Variants in PLS1 observed in about 807,000 individuals in gnomAD.
PLS1 encodes the protein plastin-1.
Under a neutral mutation model 73.7 loss-of-function variants are expected in PLS1, and 32 were observed. The ratio of observed to expected loss-of-function variants is 0.43; its 90% confidence interval spans 0.33 to 0.58. The LOEUF (loss-of-function observed/expected upper bound fraction) is 0.58, where lower values mean the gene tolerates loss of function less well. Ranked by LOEUF, PLS1 falls within the 20% of genes least tolerant of loss-of-function variation. The probability of loss-of-function intolerance (pLI) is 0.04; values close to 1 mark genes in which losing one functional copy is unlikely to be tolerated. For synonymous variants in PLS1, 217 were observed against 261.3 expected, an observed-to-expected ratio of 0.83 and a Z score of 1.63; for missense variants, 633 against 740.5, an observed-to-expected ratio of 0.85 and a Z score of 1.68.
intron 1 of PLS1, chr3:142,619,410 A>G (rs1474109285): frequency 1.3e-5 from 2 of 152,162 alleles, no homozygotes; most frequent in African/African-American, 2.4e-5. Context: ...CAATTTATCT[A>G]TGATACATAT....
intron 12 of PLS1, among the ~76,000 whole-genome samples, chr3:142,700,687 G>A (rs748368401): frequency 2.0e-5 from 3 of 152,124 alleles, no homozygotes; most frequent in Non-Finnish European, 4.4e-5. Flanking sequence ...TCTTCTCATT[G>A]TCTAAATGAT....
intron 1 of PLS1, among the ~76,000 whole-genome samples, chr3:142,629,678 G>A (rs1034178309): frequency 1.1e-4 from 16 of 152,230 alleles, no homozygotes; most frequent in Middle Eastern, 3.4e-3. Context: ...CCAGCCACAC[G>A]GTAAAAAACC....
intron 1 of PLS1, among the ~76,000 whole-genome samples, chr3:142,617,495 G>A (rs1354416081): frequency 6.6e-6 from 1 of 152,094 alleles, no homozygotes; most frequent in Admixed American, 6.6e-5. Context: ...GGTAGTTGGT[G>A]GGAGAAATGG....
intron 1 of PLS1, among the ~76,000 whole-genome samples, chr3:142,631,181 A>G (rs2036551626): frequency 6.6e-6 from 1 of 151,908 alleles, no homozygotes; most frequent in Non-Finnish European, 1.5e-5. Context: ...GTTTGAGACC[A>G]GCCTTAGCAA....
intron 1 of PLS1, among the ~76,000 whole-genome samples, chr3:142,653,505 C>T (rs1311226517): frequency 6.6e-6 from 1 of 151,802 alleles, no homozygotes; most frequent in Non-Finnish European, 1.5e-5. Flanking sequence ...GGACTACAGG[C>T]TCAAGCCACC....
chr3:142,615,483 T>G (rs187260287), intron 1 of PLS1, among the ~76,000 whole-genome samples: 4 of 152,230 alleles, frequency 2.6e-5, no homozygotes, highest in African/African-American at 9.6e-5. Flanking sequence ...TAATTCAGAC[T>G]CTTCTTCCTT....
intron 2 of PLS1, among the ~76,000 whole-genome samples, chr3:142,665,418 A>G (rs997070236): frequency 6.6e-6 from 1 of 152,140 alleles, no homozygotes; most frequent in Non-Finnish European, 1.5e-5. Flanking sequence ...CTCCCTGGGA[A>G]TGGCATATTT....
intron 5 of PLS1, 108 bp downstream of exon 5, chr3:142,676,397 A>G (rs1445505365): frequency 3.9e-6 from 4 of 1,016,542 alleles, no homozygotes; most frequent in Non-Finnish European, 5.8e-6. Flanking sequence ...GTCAGTAGCT[A>G]CTTAGGTCAT....
intron 1 of PLS1, among the ~76,000 whole-genome samples, chr3:142,620,809 A>G (rs939607638): frequency 6.6e-6 from 1 of 152,166 alleles, no homozygotes. Context: ...ACTTGAGGTC[A>G]GGAGTTCAAG....
intron 1 of PLS1, among the ~76,000 whole-genome samples, chr3:142,626,539 TTAAC>T (rs1336586859): frequency 3.9e-5 from 6 of 152,258 alleles, no homozygotes; most frequent in East Asian, 3.8e-4. Flanking sequence ...TATCATATCA[TTAAC>T]TAATATCTCA....
At chr3:142,655,210 A>G (rs1340364615) in intron 1 of PLS1, among the ~76,000 whole-genome samples, 3 of 152,170 alleles carry the variant, frequency 2.0e-5, no homozygotes, top group Non-Finnish European at 2.9e-5. Context: ...AGAGGTGATG[A>G]AGTCTTATGC....
chr3:142,637,467 A>C (rs1439607095), intron 1 of PLS1, among the ~76,000 whole-genome samples: 1 of 152,192 alleles, frequency 6.6e-6, no homozygotes, highest in Non-Finnish European at 1.5e-5. Flanking sequence ...ACAGTTTCAA[A>C]TATGTTCTAA....
chr3:142,636,276 TC>T (rs2036688333), intron 1 of PLS1, among the ~76,000 whole-genome samples: 1 of 152,092 alleles, frequency 6.6e-6, no homozygotes, highest in African/African-American at 2.4e-5. Flanking sequence ...GAATAGAAAG[TC>T]CATAAATAGG....
At chr3:142,656,160 C>T (rs972473590) in intron 1 of PLS1, among the ~76,000 whole-genome samples, 2 of 152,136 alleles carry the variant, frequency 1.3e-5, no homozygotes, top group African/African-American at 4.8e-5. Context: ...CAGGATTTCA[C>T]CATGTTGGCC....
At chr3:142,635,248 TA>T (rs2036652071) in intron 1 of PLS1, among the ~76,000 whole-genome samples, 1 of 151,828 alleles carries the variant, frequency 6.6e-6, no homozygotes, top group Non-Finnish European at 1.5e-5. Flanking sequence ...CATATTTGGG[TA>T]ATCCAAAAGA....
At chr3:142,686,479 A>G (rs995289856) in intron 9 of PLS1, 103 bp downstream of exon 9, 2 of 743,942 alleles carry the variant, frequency 2.7e-6, no homozygotes, top group African/African-American at 3.5e-5. Flanking sequence ...CATTCAGTAC[A>G]TTTGCATTGT....
chr3:142,627,740 C>G (rs1216123750), intron 1 of PLS1: 2 of 152,094 alleles, frequency 1.3e-5, no homozygotes, highest in Non-Finnish European at 2.9e-5. Context: ...AAGAGATCCT[C>G]CTGAGGAGCT....
chr3:142,606,979 A>C (rs1387314010), intron 1 of PLS1, among the ~76,000 whole-genome samples: 1 of 152,182 alleles, frequency 6.6e-6, no homozygotes, highest in African/African-American at 2.4e-5. Context: ...TTGCTGGGTC[A>C]TATCACTTAG....
intron 10 of PLS1, among the ~76,000 whole-genome samples, chr3:142,693,792 C>T (rs190137031): frequency 6.6e-6 from 1 of 151,888 alleles, no homozygotes; most frequent in East Asian, 1.9e-4. Context: ...TTGAGGGGAT[C>T]TTTGAGGTCC....
Sources: allele counts gnomAD v4.1 joint callset (sites outside exome capture counted in the v4.1 genomes callset), GRCh38; gene constraint gnomAD v4.1.1; transcripts MANE v1.5; gene names NCBI Gene and HGNC (gene_info 2026-07-23, HGNC 2026-07-21).